Variants in SHCBP1L observed in about 807,000 individuals in gnomAD.
The protein encoded by SHCBP1L is SHC binding and spindle associated 1 like, also known as testicular spindle-associated protein SHCBP1L.
SHCBP1L carries 67 observed loss-of-function variants against 62.5 expected under a neutral mutation model. The observed-to-expected ratio is 1.07, with a 90% CI of 0.88 to 1.31. The LOEUF (loss-of-function observed/expected upper bound fraction) is 1.31, where lower values mean the gene tolerates loss of function less well. SHCBP1L is among the 40% of genes most tolerant of loss of function. SHCBP1L has a pLI of 0.00. For synonymous variants in SHCBP1L, 284 were observed against 289.4 expected (o/e 0.98, Z 0.19); for missense variants, 823 against 809.8 (o/e 1.02, Z -0.20).
Position 182,953,069 on chromosome 1 carries a change from C to T in SHCBP1L, c.65G>A (p.Arg22Gln). 6.4e-7 allele frequency: 1 copy of T among 1,550,468 alleles called. No homozygotes were observed. The highest frequency in any genetic ancestry group is 2.4e-5 in the East Asian group (1 of 42,046). ...DSFRTISPDR[R>Q]GEKSASAVSG... ...GACAGCGGAGGCGGACTTCTCGCCT[C>T]GCCTGTCCGGGCTGATGGTGCGGAA... Residue 22 changes from arginine to glutamine, a missense_variant, in exon 1 of 10, where the codon CGA (arginine) becomes CAA (glutamine). Transcript: ENST00000367547.
intron 5 of SHCBP1L, among the ~76,000 whole-genome samples, chr1:182,931,006 A>C (rs1391236659): frequency 6.6e-6 from 1 of 150,768 alleles, no homozygotes; most frequent in African/African-American, 2.4e-5. Flanking sequence ...GATTACAGGC[A>C]TGAGCCTGGC....
chr1:182,919,239 A>C (rs1650448607), intron 6 of SHCBP1L, among the ~76,000 whole-genome samples: 1 of 152,178 alleles, frequency 6.6e-6, no homozygotes, highest in African/African-American at 2.4e-5. Flanking sequence ...GGAGGCTAGG[A>C]AGTCTAAGGT....
At chr1:182,951,912 T>C in intron 1 of SHCBP1L, 1 of 356,176 alleles carries the variant, frequency 2.8e-6, no homozygotes, top group Non-Finnish European at 5.6e-6. Context: ...CCCAACACTT[T>C]GGGAGGCCGA....
At chr1:182,930,078 AT>A (rs1650909882) in intron 5 of SHCBP1L, among the ~76,000 whole-genome samples, 1 of 152,188 alleles carries the variant, frequency 6.6e-6, no homozygotes, top group South Asian at 2.1e-4. Flanking sequence ...TTCATAATCC[AT>A]TGAGTTGTAG....
chr1:182,917,614 C>T (rs924862712), intron 6 of SHCBP1L, among the ~76,000 whole-genome samples: 10 of 152,144 alleles, frequency 6.6e-5, no homozygotes, highest in African/African-American at 1.4e-4. Flanking sequence ...TTGGTTTCTT[C>T]TGAGCCTCTC....
chr1:182,953,103 C>G lies in SHCBP1L; in HGVS notation c.31G>C (p.Ala11Pro). 6.4e-7 allele frequency: 1 copy of G among 1,573,126 alleles called. No homozygotes were observed. Among genetic ancestry groups the G allele is most frequent in the Non-Finnish European group, 8.6e-7 (1 of 1,167,450 alleles). The change falls in exon 1 of 10, where the codon GCG (alanine) becomes CCG (proline). Residue 11 changes from alanine (A) to proline (P), a missense_variant. Ala to Pro is a conservative substitution (Grantham distance 27). Coordinates refer to ENST00000367547, the MANE Select transcript of SHCBP1L (RefSeq NM_030933.4). ...GGGCTGATGGTGCGGAATGAGTCCG[C>G]GGGCACCGAGGCCTTGGAGCCCGAC... MASGSKASVP[A>P]DSFRTISPDR... is the part of the protein sequence containing the mutation.
At position 182,939,457 on chromosome 1, in the gene SHCBP1L, C is replaced by T. The variant is rs745751963; in HGVS notation, c.857+10G>A. Reference sequence around the variant, plus strand: ...CTAATGTGCGGTATAAGTTTATAAACTATACTTACAAATTAATTCTTTCTT... The same window carrying T: ...CTAATGTGCGGTATAAGTTTATAAATTATACTTACAAATTAATTCTTTCTT... On this transcript the variant is annotated intron_variant, in intron 4 of 9. Transcript: ENST00000367547. The T allele has an allele frequency of 1.9e-6, 3 of 1,601,908 alleles. No homozygotes were observed. The highest frequency in any genetic ancestry group is 2.2e-5 in the East Asian group (1 of 44,666).
chr1:182,937,301 T>C (rs1258331399), intron 5 of SHCBP1L, among the ~76,000 whole-genome samples: 1 of 152,150 alleles, frequency 6.6e-6, no homozygotes. Context: ...TTTCACTAGA[T>C]ACAGAATTCT....
chr1:182,928,145 A>G (rs181016263), intron 6 of SHCBP1L, among the ~76,000 whole-genome samples: 54 of 151,882 alleles, frequency 3.6e-4, no homozygotes, highest in African/African-American at 1.3e-3. Flanking sequence ...AGAATAGCAG[A>G]CAAGACTATC....
intron 2 of SHCBP1L, among the ~76,000 whole-genome samples, chr1:182,946,275 T>C (rs987770165): frequency 8.5e-5 from 13 of 152,092 alleles, no homozygotes; most frequent in African/African-American, 3.1e-4. Context: ...ATTTGACAAT[T>C]TGCTTTCTTC....
chr1:182,903,014 G>T, intron 9 of SHCBP1L, 25 bp downstream of exon 9: 1 of 1,540,708 alleles, frequency 6.5e-7, no homozygotes, highest in Non-Finnish European at 8.8e-7. Context: ...TTATAACAAT[G>T]CTACATCAAG....
intron 5 of SHCBP1L, 147 bp downstream of exon 5, chr1:182,939,029 G>A: frequency 3.4e-6 from 2 of 584,570 alleles, no homozygotes; most frequent in East Asian, 6.0e-5. Flanking sequence ...TTCTAATACT[G>A]ATAGTTGTAC....
At chr1:182,909,300 A>T (rs1650107440) in intron 6 of SHCBP1L, among the ~76,000 whole-genome samples, 1 of 152,196 alleles carries the variant, frequency 6.6e-6, no homozygotes, top group Non-Finnish European at 1.5e-5. Flanking sequence ...ACCTGACTAG[A>T]CATAAGGTCA....
intron 6 of SHCBP1L, among the ~76,000 whole-genome samples, chr1:182,914,948 T>C (rs1650305792): frequency 6.6e-6 from 1 of 151,280 alleles, no homozygotes; most frequent in African/African-American, 2.4e-5. Context: ...GGTGGGCGGA[T>C]CATGAGGTCA....
Position 182,939,329 on chromosome 1 carries a change from T to C in SHCBP1L, c.923A>G (p.Glu308Gly), listed in dbSNP as rs767920363. The C allele has an allele frequency of 6.8e-6, 11 of 1,614,028 alleles. No individual in the cohort carries two copies. The highest frequency in any genetic ancestry group is 4.5e-5 in the East Asian group (2 of 44,826). The stretch of plus-strand genomic sequence containing the variant: ...CTCGACACGTTTGTTTTTATATTTC[T>C]CCAAAGTTTTTTTAAAACGTTGTGC... ...PIAQRFKKTL[E>G]KYKNKRVELI... is the part of the protein sequence containing the mutation. Residue 308 changes from glutamate to glycine, a missense_variant, in exon 5 of 10, where the codon GAG (glutamate) becomes GGG (glycine). Physicochemically the swap from Glu to Gly is moderately conservative, Grantham distance 98. Transcript: ENST00000367547.
intron 5 of SHCBP1L, among the ~76,000 whole-genome samples, chr1:182,934,034 T>C (rs141171831): frequency 4.6e-4 from 70 of 152,284 alleles, no homozygotes; most frequent in Admixed American, 8.5e-4. Context: ...TCAGAATTTA[T>C]GTTTCTGCTT....
intron 5 of SHCBP1L, among the ~76,000 whole-genome samples, chr1:182,934,069 T>G (rs2101946274): frequency 6.6e-6 from 1 of 152,296 alleles, no homozygotes; most frequent in South Asian, 2.1e-4. Flanking sequence ...AGATTGTGTC[T>G]TACTAGGCAT....
chr1:182,931,358 G>A (rs369296674), intron 5 of SHCBP1L, among the ~76,000 whole-genome samples: 2 of 151,932 alleles, frequency 1.3e-5, no homozygotes, highest in East Asian at 3.9e-4. Context: ...AAAATCAAAG[G>A]TATATATAGG....
At chr1:182,932,468 A>ATTATTTATTTATTTATTTATTTAT (rs752346929) in intron 5 of SHCBP1L, among the ~76,000 whole-genome samples, 3 of 151,028 alleles carry the variant, frequency 2.0e-5, no homozygotes, top group African/African-American at 7.3e-5. Context: ...ATGGAATTTT[A>ATTATTTATTTATTTATTTATTTAT]TTATTTATTT....
Sources: gnomAD v4.1 joint callset for allele counts (sites outside exome capture counted in the v4.1 genomes callset) on GRCh38, gnomAD v4.1.1 for gene constraint, MANE v1.5 for transcripts, NCBI Gene and HGNC (gene_info 2026-07-23, HGNC 2026-07-21) for gene names.